Variants in ST14 observed in about 807,000 individuals in gnomAD.
The protein encoded by ST14 is suppressor of tumorigenicity 14 protein.
ST14 carries 40 observed loss-of-function variants against 96.5 expected under a neutral mutation model. The ratio of observed to expected loss-of-function variants is 0.41; its 90% CI spans 0.32 to 0.54. The LOEUF is 0.54. Among genes scored for constraint, ST14 ranks in the 20% least tolerant of loss-of-function variants. The pLI is 0.17. For missense variants in ST14, 1,066 were observed against 1,188.9 expected (o/e 0.90, Z 1.52); for synonymous variants, 506 against 492.1 (o/e 1.03, Z -0.37).
chr11:130,187,982 C>G lies in ST14; in HGVS notation c.82-132C>G. 7.8e-7 allele frequency: 1 copy of G among 1,285,588 alleles called. No homozygotes were observed. The highest frequency in any genetic ancestry group is 2.5e-5 in the East Asian group (1 of 39,620). The allele number at this position is 1,285,588 out of a possible 1,614,324, so 79.6% of individuals were successfully genotyped here. On this transcript the variant is annotated intron_variant, in intron 1 of 18. Transcript: ENST00000278742. This position sits in a 1 kb window ranked among gnomAD's most constrained non-coding sequence, Gnocchi z 4.5. ...GTGGTCCCCATGCCTCTGGGGGAAG[C>G]CCCCTTCTTCTCACCCAAGCCCCTG...
Position 130,208,492 on chromosome 11 carries a change from A to T in ST14, c.2077A>T (p.Arg693Trp). The change falls in exon 17 of 19, where the codon AGG becomes TGG. Residue 693 changes from arginine to tryptophan, a missense_variant. Transcript: ENST00000278742. ...CAGCGCCCCTGGGGTGCAGGAGCGC[A>T]GGCTCAAGCGCATCATCTCCCACCC... ...QRSAPGVQER[R>W]LKRIISHPFF... The T allele has an allele frequency of 6.2e-7, 1 of 1,614,238 alleles. No individual in the cohort carries two copies. The highest frequency in any genetic ancestry group is 1.1e-5 in the South Asian group (1 of 91,088).
At chr11:130,183,597 A>C (rs1047913925) in intron 1 of ST14, among the ~76,000 whole-genome samples, 5 of 152,140 alleles carry the variant, frequency 3.3e-5, no homozygotes, top group Non-Finnish European at 2.9e-5. Context: ...TTGAGAATAG[A>C]CACCTTAATA....
chr11:130,188,835 A>T lies in ST14; in HGVS notation c.370-34A>T. 2 of 1,609,840 alleles carry T rather than the reference A, an allele frequency of 1.2e-6. No individual in the cohort carries two copies. The highest frequency in any genetic ancestry group is 2.7e-5 in the African/African-American group (2 of 75,036). On this transcript the variant is annotated intron_variant, in intron 3 of 18. Transcript: ENST00000278742. The surrounding 1 kb of genome is among the most constrained non-coding windows in gnomAD (Gnocchi z 5.4). ...GGGCTTGGGGCAGGGTCATCGCCGC[A>T]TGGGGCTCACCTTGAGTCTCTGCCC...
At chr11:130,174,240 G>T (rs1170131644) in intron 1 of ST14, among the ~76,000 whole-genome samples, 1 of 152,198 alleles carries the variant, frequency 6.6e-6, no homozygotes, top group Non-Finnish European at 1.5e-5. Flanking sequence ...CCACAGCCAG[G>T]TGAGGGAGGC....
chr11:130,209,507 C>T lies in ST14; in HGVS notation c.2335C>T (p.Leu779Phe), dbSNP rs1412523347. 2.5e-6 allele frequency: 4 copies of T among 1,584,798 alleles called. No homozygotes were observed. Among genetic ancestry groups the T allele is most frequent in the Non-Finnish European group, 3.4e-6 (4 of 1,165,574 alleles). The change falls in exon 18 of 19, where the codon CTC (leucine) becomes TTC (phenylalanine). Residue 779 changes from leucine (L) to phenylalanine (F), a missense_variant. By Grantham distance (22) the Leu-to-Phe change is conservative. Coordinates refer to ENST00000278742, the MANE Select transcript of ST14 (RefSeq NM_021978.4). ...CATCAACCAGACCACCTGCGAGAAC[C>T]TCCTGCCGCAGCAGATCACGCCGCG... ...RVINQTTCEN[L>F]LPQQITPRMM...
intron 1 of ST14, among the ~76,000 whole-genome samples, chr11:130,177,052 C>G (rs1232704157): frequency 6.6e-6 from 1 of 151,646 alleles, no homozygotes; most frequent in African/African-American, 2.4e-5. Flanking sequence ...CCTGCCTTGG[C>G]CTCCCAGAGT....
In ST14 at chr11:130,189,720, G is replaced by A; in HGVS notation, c.441-19G>A. 6.2e-7 allele frequency: 1 copy of A among 1,608,730 alleles called. No homozygotes were observed. The highest frequency in any genetic ancestry group is 8.5e-7 in the Non-Finnish European group (1 of 1,179,608). Reference sequence around the variant, plus strand: ...AATGGGGCCCAGAGCTCCGCCTCAGGCTCCCGCTCTCTCCCCAGCGAGGGC... The same window carrying A: ...AATGGGGCCCAGAGCTCCGCCTCAGACTCCCGCTCTCTCCCCAGCGAGGGC... On this transcript the variant is annotated intron_variant, in intron 4 of 18. Coordinates refer to ENST00000278742, the MANE Select transcript of ST14 (RefSeq NM_021978.4).
rs144203489 is a variant in ST14 at position 130,196,654 on chromosome 11, C to T, written c.1308C>T (p.Thr436=). The change falls in exon 11 of 19, where the codon ACC becomes ACT. Residue 436 remains threonine, a synonymous_variant. Coordinates refer to ENST00000278742, the MANE Select transcript of ST14 (RefSeq NM_021978.4). ...TVRFHSDQSY[T]DTGFLAEYLS... Reference sequence around the variant, plus strand: ...GCTTCCACTCAGATCAGTCCTACACCGACACCGGCTTCTTAGCTGAATACC... The same window carrying T: ...GCTTCCACTCAGATCAGTCCTACACTGACACCGGCTTCTTAGCTGAATACC... The T allele has an allele frequency of 2.1e-5, 34 of 1,614,044 alleles. No individual in the cohort carries two copies. In the African/African-American group the frequency reaches 2.7e-4, roughly 13 times the overall value.
chr11:130,162,437 G>T (rs188951202), intron 1 of ST14, among the ~76,000 whole-genome samples: 1 of 152,248 alleles, frequency 6.6e-6, no homozygotes, highest in East Asian at 1.9e-4. Context: ...ACATCCACTG[G>T]TTCCTTTTCC....
intron 17 of ST14, among the ~76,000 whole-genome samples, chr11:130,209,118 G>A (rs533546370): frequency 1.4e-4 from 21 of 152,278 alleles, no homozygotes; most frequent in African/African-American, 5.1e-4. Flanking sequence ...AAAACGAACA[G>A]GACTTACAGC....
intron 1 of ST14, among the ~76,000 whole-genome samples, chr11:130,177,244 G>C (rs1156617535): frequency 6.6e-6 from 1 of 151,964 alleles, no homozygotes; most frequent in Non-Finnish European, 1.5e-5. Context: ...GCAATAATTG[G>C]CTTCCTCTTC....
chr11:130,189,828 G>T lies in ST14; in HGVS notation c.530G>T (p.Arg177Leu). The change falls in exon 5 of 19, where the codon CGC becomes CTC. Residue 177 changes from arginine to leucine, a missense_variant. Coordinates refer to ENST00000278742, the MANE Select transcript of ST14 (RefSeq NM_021978.4). ...EEAERVMAEE[R>L]VVMLPPRARS... ...GCCGAGCGCGTCATGGCCGAGGAGC[G>T]CGTAGTCATGCTGCCCCCGCGGGCG... is the stretch of plus-strand genomic sequence containing the variant. The T allele has an allele frequency of 1.2e-6, 2 of 1,613,912 alleles. No homozygotes were observed. The highest frequency in any genetic ancestry group is 8.5e-7 in the Non-Finnish European group (1 of 1,179,946).
At chr11:130,190,063 A>AG (rs1482130534) in intron 5 of ST14, 50 bp from the exon 6 acceptor site, 1 of 1,613,906 alleles carries the variant, frequency 6.2e-7, no homozygotes. Context: ...AGCAGGAATA[A>AG]GGAAATGGAT....
intron 1 of ST14, among the ~76,000 whole-genome samples, chr11:130,179,187 G>A (rs1013817665): frequency 5.9e-5 from 9 of 152,164 alleles, no homozygotes; most frequent in Non-Finnish European, 8.8e-5. Flanking sequence ...TTCCACATCC[G>A]AGGCCCTGCT....
chr11:130,184,987 C>T lies in ST14; in HGVS notation c.82-3127C>T, dbSNP rs143578921. Among the ~76,000 whole-genome samples the T allele has an allele frequency of 7.3e-3, 1,112 of 152,294 alleles. 9 individuals carry two copies. The highest frequency in any genetic ancestry group is 9.5e-3 in the Admixed American group (145 of 15,298). On this transcript the variant is annotated intron_variant, in intron 1 of 18. Transcript: ENST00000278742. The stretch of plus-strand genomic sequence containing the variant: ...CTGTTTAGCCACTCACTTGTGTCCC[C>T]GCCAGTGAAGCCAGTTGTGGCAAGG...
At chr11:130,191,078 C>T (rs961819805) in intron 7 of ST14, among the ~76,000 whole-genome samples, 2 of 152,208 alleles carry the variant, frequency 1.3e-5, no homozygotes, top group Non-Finnish European at 2.9e-5. Context: ...TTGGCGGGCA[C>T]GGTAGCTCAT....
intron 16 of ST14, among the ~76,000 whole-genome samples, chr11:130,203,951 G>A (rs995205487): frequency 3.3e-5 from 5 of 152,160 alleles, no homozygotes; most frequent in African/African-American, 9.7e-5. Flanking sequence ...CACCACGCCC[G>A]GCCACCTTTG....
In ST14 at chr11:130,188,321, G is replaced by C. The variant is rs769758620; in HGVS notation, c.241+48G>C. The C allele has an allele frequency of 4.4e-6, 7 of 1,596,280 alleles. No individual in the cohort carries two copies. Among genetic ancestry groups the C allele is most frequent in the Non-Finnish European group, 6.0e-6 (7 of 1,170,292 alleles). On this transcript the variant is annotated intron_variant, in intron 2 of 18. Transcript: ENST00000278742. This position sits in a 1 kb window ranked among gnomAD's most constrained non-coding sequence, Gnocchi z 5.4. Reference sequence around the variant, plus strand: ...CCGGGGAGGACGACAAGGGGTGGCTGTCCCTCTTCCCTCAGCGGACAGACC... The same window carrying C: ...CCGGGGAGGACGACAAGGGGTGGCTCTCCCTCTTCCCTCAGCGGACAGACC...
At chr11:130,208,944 T>A (rs1163326379) in intron 17 of ST14, among the ~76,000 whole-genome samples, 3 of 152,146 alleles carry the variant, frequency 2.0e-5, no homozygotes, top group Non-Finnish European at 4.4e-5. Flanking sequence ...TGATCCTGTT[T>A]GTGCATGCGC....
Sources: gnomAD v4.1 joint callset for allele counts (sites outside exome capture counted in the v4.1 genomes callset) on GRCh38, gnomAD v4.1.1 for gene constraint, Gnocchi (gnomAD v3.1) non-coding constraint, MANE v1.5 for transcripts, NCBI Gene and HGNC (gene_info 2026-07-23, HGNC 2026-07-21) for gene names.